Variants in PRDX6 observed in about 807,000 individuals in gnomAD.
PRDX6 encodes the protein peroxiredoxin-6.
A neutral mutation model predicts 20.0 loss-of-function variants in PRDX6; 13 were observed. The ratio of observed to expected loss-of-function variants is 0.65; its 90% CI spans 0.42 to 1.03. PRDX6 has a LOEUF of 1.03. PRDX6 is among the 50% of genes least tolerant of loss of function. The pLI is 0.00. For missense variants in PRDX6, 203 were observed against 276.9 expected, an observed-to-expected ratio of 0.73 and a Z score of 1.89; for synonymous variants, 85 against 100.8, an observed-to-expected ratio of 0.84 and a Z score of 0.94.
intron 3 of PRDX6, 28 bp from the exon 4 acceptor site, chr1:173,486,227 C>A: frequency 6.4e-7 from 1 of 1,552,748 alleles, no homozygotes; most frequent in Non-Finnish European, 8.7e-7. Flanking sequence ...AAGAACTCTT[C>A]CTATTTATGC....
chr1:173,477,985 G>T (rs569250167), intron 1 of PRDX6, among the ~76,000 whole-genome samples: 1 of 152,240 alleles, frequency 6.6e-6, no homozygotes, highest in Non-Finnish European at 1.5e-5. Context: ...TTTGCTCCCT[G>T]GGGAGGATGG....
intron 2 of PRDX6, among the ~76,000 whole-genome samples, chr1:173,483,851 C>T (rs1426460111): frequency 1.3e-5 from 2 of 151,898 alleles, no homozygotes; most frequent in African/African-American, 4.8e-5. Flanking sequence ...GCCTGTAATC[C>T]CAACACTCTG....
chr1:173,479,936 T>C (rs1157432505), intron 1 of PRDX6, among the ~76,000 whole-genome samples: 2 of 152,214 alleles, frequency 1.3e-5, no homozygotes, highest in Non-Finnish European at 1.5e-5. Context: ...TTATCCTCCT[T>C]TTAACGATAG....
chr1:173,483,723 TTTCCA>T (rs1228714893), intron 2 of PRDX6, among the ~76,000 whole-genome samples: 1 of 152,184 alleles, frequency 6.6e-6, no homozygotes, highest in Non-Finnish European at 1.5e-5. Flanking sequence ...TAAATCCTCT[TTTCCA>T]TTACTTGCTA....
rs370697515 is a variant in PRDX6, at chr1:173,481,447, A to G, written c.217A>G (p.Ile73Val). The change falls in exon 2 of 5, where the codon ATA (isoleucine) becomes GTA (valine). Residue 73 changes from isoleucine (I) to valine (V), a missense_variant. Coordinates refer to ENST00000340385, the MANE Select transcript of PRDX6 (RefSeq NM_004905.3). Reference protein sequence around the residue: ...KRNVKLIALSIDSVEDHLAWS... With the variant: ...KRNVKLIALSVDSVEDHLAWS... ...GAATGTTAAGTTGATTGCCCTTTCA[A>G]TAGACAGTGTTGAGGACCATCTTGC... is the stretch of plus-strand genomic sequence containing the variant. 28 of 1,614,066 alleles carry G rather than the reference A, an allele frequency of 1.7e-5. No individual in the cohort carries two copies. The African/African-American group carries it at 2.9e-4, about 17-fold the overall frequency.
chr1:173,488,661 G>A lies in PRDX6; in HGVS notation c.*798G>A, dbSNP rs1336913340. The A allele has an allele frequency of 2.0e-5, 3 of 152,184 alleles. No homozygotes were observed. Among genetic ancestry groups the A allele is most frequent in the East Asian group, 1.9e-4 (1 of 5,198 alleles). 9.4% of individuals were successfully genotyped at this position (152,184 alleles called of 1,614,324 possible). On this transcript the variant is annotated 3_prime_UTR_variant, in exon 5 of 5. Coordinates refer to ENST00000340385, the MANE Select transcript of PRDX6 (RefSeq NM_004905.3). ...GTTTGCATTTATCAGTCTGTTTTCC[G>A]ATGATGTGTACATGAAAGAGTACAC...
intron 4 of PRDX6, 86 bp downstream of exon 4, chr1:173,486,487 T>G: frequency 7.2e-7 from 1 of 1,395,976 alleles, no homozygotes; most frequent in South Asian, 1.5e-5. Context: ...TGTTACCTGT[T>G]TCTAGCACGC....
intron 3 of PRDX6, among the ~76,000 whole-genome samples, chr1:173,485,933 A>G (rs1571398107): frequency 6.6e-6 from 1 of 152,194 alleles, no homozygotes; most frequent in Non-Finnish European, 1.5e-5. Flanking sequence ...TCAAGGAACA[A>G]TATCAACTCC....
chr1:173,486,721 C>T (rs1389050452), intron 4 of PRDX6, among the ~76,000 whole-genome samples: 1 of 152,100 alleles, frequency 6.6e-6, no homozygotes, highest in Non-Finnish European at 1.5e-5. Flanking sequence ...AAATATTTAT[C>T]GCACAATCTT....
At position 173,485,226 on chromosome 1, in the gene PRDX6, A is replaced by G. The variant is rs1279839601; in HGVS notation, c.253-135A>G. On this transcript the variant is annotated intron_variant, in intron 2 of 4. Transcript: ENST00000340385. ...AGAGTGTTCATCTACTCACTTTTTA[A>G]AATTAAAATTGCTTAAAGAAAATTA... 6 of 804,554 alleles carry G rather than the reference A, an allele frequency of 7.5e-6. No homozygotes were observed. The African/African-American group carries it at 8.8e-5, about 12-fold the overall frequency. 49.8% of individuals were successfully genotyped at this position (804,554 alleles called of 1,614,324 possible).
intron 1 of PRDX6, among the ~76,000 whole-genome samples, chr1:173,479,718 G>C (rs916678001): frequency 6.6e-6 from 1 of 152,132 alleles, no homozygotes; most frequent in African/African-American, 2.4e-5. Flanking sequence ...TTACTCTTAA[G>C]TGCAGCAGTA....
At position 173,486,409 on chromosome 1, in the gene PRDX6, T is replaced by G. The variant is rs762341960; in HGVS notation, c.546+8T>G. ...ACCCCAGTTGATTGGAAGGTAAAGA[T>G]GTTTTTAAAAAGCAGTTTCTCTACT... is the stretch of plus-strand genomic sequence containing the variant. On this transcript the variant is annotated splice_region_variant and intron_variant, in intron 4 of 4. Transcript: ENST00000340385. The G allele has an allele frequency of 6.3e-7, 1 of 1,598,026 alleles. No homozygotes were observed. The highest frequency in any genetic ancestry group is 8.5e-7 in the Non-Finnish European group (1 of 1,173,204).
At chr1:173,478,439 G>A (rs573586333) in intron 1 of PRDX6, among the ~76,000 whole-genome samples, 1 of 152,074 alleles carries the variant, frequency 6.6e-6, no homozygotes, top group Admixed American at 6.5e-5. Flanking sequence ...GCTTGCTGAT[G>A]ATAGCCAAAT....
At chr1:173,481,069 C>A in intron 1 of PRDX6, 1 of 423,252 alleles carries the variant, frequency 2.4e-6, no homozygotes, top group Non-Finnish European at 4.2e-6. Context: ...GAGGCAACAC[C>A]TTAACATTAG....
Position 173,477,359 on chromosome 1 carries a change from T to A in PRDX6, c.-39T>A. On this transcript the variant is annotated 5_prime_UTR_variant, in exon 1 of 5. Transcript: ENST00000340385. The stretch of plus-strand genomic sequence containing the variant: ...TGCTTCTTCGCCAGAACCAACCGGT[T>A]GCTTGCTGTCCCAGCGGCGCCCCCT... 1 of 1,531,708 alleles carries A rather than the reference T, an allele frequency of 6.5e-7. No individual in the cohort carries two copies. The highest frequency in any genetic ancestry group is 9.0e-7 in the Non-Finnish European group (1 of 1,116,186). The allele number at this position is 1,531,708 out of a possible 1,614,324, so 94.9% of individuals were successfully genotyped here.
intron 4 of PRDX6, 103 bp downstream of exon 4, chr1:173,486,504 A>C (rs6699179): frequency 4.0e-6 from 5 of 1,264,972 alleles, no homozygotes; most frequent in Non-Finnish European, 5.4e-6. Flanking sequence ...ACGCAAGTAC[A>C]CTGGGAGGAT....
chr1:173,478,017 G>A (rs976834812), intron 1 of PRDX6, among the ~76,000 whole-genome samples: 2 of 152,208 alleles, frequency 1.3e-5, no homozygotes, highest in Non-Finnish European at 2.9e-5. Flanking sequence ...CAAAGTCGGA[G>A]GACACAGCTG....
chr1:173,479,473 A>G (rs1310437106), intron 1 of PRDX6, among the ~76,000 whole-genome samples: 1 of 152,182 alleles, frequency 6.6e-6, no homozygotes, highest in Non-Finnish European at 1.5e-5. Context: ...GTATTTCTCT[A>G]CCTTACCCCT....
chr1:173,480,270 G>C (rs183644173), intron 1 of PRDX6, among the ~76,000 whole-genome samples: 181 of 152,280 alleles, frequency 1.2e-3, no homozygotes, highest in African/African-American at 4.2e-3. Context: ...TAGGAAGGAG[G>C]TGCCCTTGTC....
Sources: allele counts gnomAD v4.1 joint callset (sites outside exome capture counted in the v4.1 genomes callset), GRCh38; gene constraint gnomAD v4.1.1; transcripts MANE v1.5; gene names NCBI Gene and HGNC (gene_info 2026-07-23, HGNC 2026-07-21).